RAD51B: variants seen among roughly 807,000 people sequenced by gnomAD.
RAD51B encodes DNA repair protein RAD51 homolog 2.
RAD51B carries 38 observed loss-of-function variants against 42.2 expected under a neutral mutation model. The ratio of observed to expected loss-of-function variants is 0.90; its 90% CI spans 0.70 to 1.18. RAD51B has a LOEUF of 1.18. Ranked by LOEUF, RAD51B falls within the 50% of genes most tolerant of loss-of-function variation. The probability of loss-of-function intolerance (pLI) is 0.00; values close to 1 mark genes in which losing one functional copy is unlikely to be tolerated. For synonymous variants in RAD51B, 154 were observed against 145.2 expected, an observed-to-expected ratio of 1.06 and a Z score of -0.43; for missense variants, 373 against 400.7, an observed-to-expected ratio of 0.93 and a Z score of 0.59.
intron 5 of RAD51B, among the ~76,000 whole-genome samples, chr14:67,869,699 AC>A (rs1187876550): frequency 5.9e-5 from 9 of 152,192 alleles, no homozygotes; most frequent in Non-Finnish European, 1.2e-4. Flanking sequence ...AGGTCGGGTT[AC>A]CCTCAAAGGG....
chr14:68,570,715 G>A (rs1242440539), intron 10 of RAD51B, among the ~76,000 whole-genome samples: 1 of 152,128 alleles, frequency 6.6e-6, no homozygotes, highest in African/African-American at 2.4e-5. Context: ...GGGTTAACAG[G>A]GTAAATACTG....
intron 7 of RAD51B, among the ~76,000 whole-genome samples, chr14:67,982,515 A>G (rs2075113869): frequency 6.6e-6 from 1 of 152,156 alleles, no homozygotes; most frequent in Non-Finnish European, 1.5e-5. Flanking sequence ...ATCAAAGGAG[A>G]AGACCATTTC....
intron 9 of RAD51B, among the ~76,000 whole-genome samples, chr14:68,457,443 TA>T (rs973633527): frequency 9.3e-4 from 141 of 152,342 alleles, no homozygotes; most frequent in East Asian, 5.8e-4. Context: ...ATGCTTATGT[TA>T]AAAAATTATT....
At chr14:68,027,923 C>G (rs1161864837) in intron 7 of RAD51B, among the ~76,000 whole-genome samples, 1 of 152,146 alleles carries the variant, frequency 6.6e-6, no homozygotes, top group Non-Finnish European at 1.5e-5. Flanking sequence ...AGAATTCTTG[C>G]ACTGATTTTT....
rs545563385 is a variant in RAD51B, at chr14:68,055,630, T to G, written c.756+168426T>G. Among the ~76,000 whole-genome samples the G allele has an allele frequency of 3.9e-5, 6 of 152,300 alleles. No individual in the cohort carries two copies. The East Asian group carries it at 1.2e-3, about 29-fold the overall frequency. ...CAAAACATAGTGATTAAAAACAACATTAATATGTATGAGCACTCATAGTTT... is the reference window on the plus strand; with the variant it reads ...CAAAACATAGTGATTAAAAACAACAGTAATATGTATGAGCACTCATAGTTT... On this transcript the variant is annotated intron_variant, in intron 7 of 10. Coordinates refer to ENST00000471583, the MANE Select transcript of RAD51B (RefSeq NM_133510.4).
intron 7 of RAD51B, among the ~76,000 whole-genome samples, chr14:68,112,034 A>G (rs969571668): frequency 6.6e-6 from 1 of 151,992 alleles, no homozygotes; most frequent in African/African-American, 2.4e-5. Context: ...TCATAATAGG[A>G]TCTCTGCCAG....
intron 7 of RAD51B, among the ~76,000 whole-genome samples, chr14:67,987,711 C>G (rs1595211706): frequency 6.6e-6 from 1 of 152,136 alleles, no homozygotes; most frequent in African/African-American, 2.4e-5. Context: ...TATTTTAACT[C>G]TACATTTATC....
chr14:67,865,196 G>A (rs2139991575), intron 5 of RAD51B, 57 bp downstream of exon 5: 1 of 1,415,854 alleles, frequency 7.1e-7, no homozygotes, highest in Non-Finnish European at 9.4e-7. Flanking sequence ...TATACAGCAT[G>A]AAACATTTAC....
In RAD51B at chr14:67,984,271, C is replaced by T. The variant is rs545335032; in HGVS notation, c.756+97067C>T. 1.5e-3 allele frequency among the ~76,000 whole-genome samples: 223 copies of T among 152,232 alleles called. 2 individuals are homozygous for T. Among genetic ancestry groups the T allele is most frequent in the African/African-American group, 5.2e-3 (216 of 41,548 alleles). ...TTTTTATTAAAGATTTAGTTTCGTT[C>T]TTAGAAGTTATGTCAATTTCTGATG... On this transcript the variant is annotated intron_variant, in intron 7 of 10. Coordinates refer to ENST00000471583, the MANE Select transcript of RAD51B (RefSeq NM_133510.4).
chr14:68,237,064 G>A (rs2080273700), intron 7 of RAD51B, among the ~76,000 whole-genome samples: 1 of 152,178 alleles, frequency 6.6e-6, no homozygotes, highest in Non-Finnish European at 1.5e-5. Context: ...AATTATGTGA[G>A]CAGTGATGTA....
At position 68,237,731 on chromosome 14, in the gene RAD51B, TC is replaced by T. The variant is rs1211835771; in HGVS notation, c.757-54152del. Among the ~76,000 whole-genome samples the T allele has an allele frequency of 2.5e-4, 31 of 124,594 alleles. No homozygotes were observed. In the East Asian group the frequency reaches 4.7e-3, roughly 19 times the overall value. 81.7% of individuals were successfully genotyped at this position (124,594 alleles called of 152,430 possible). On this transcript the variant is annotated intron_variant, in intron 7 of 10. Coordinates refer to ENST00000471583, the MANE Select transcript of RAD51B (RefSeq NM_133510.4). ...TTACATGGACATGTGTTTTCATTTCTCTTTTTTTTTTTTTTTTTTTTTTGAG... is the reference window on the plus strand; with the variant it reads ...TTACATGGACATGTGTTTTCATTTCTTTTTTTTTTTTTTTTTTTTTTTGAG...
chr14:68,128,053 G>A (rs77224728), intron 7 of RAD51B, among the ~76,000 whole-genome samples: 2,005 of 152,258 alleles, frequency 0.013, 49 homozygotes, highest in African/African-American at 0.046. Flanking sequence ...ATAAAAATTC[G>A]TTAGCTTTAA....
At position 68,232,134 on chromosome 14, in the gene RAD51B, C is replaced by G; in HGVS notation, c.757-59750C>G. Reference sequence around the variant, plus strand: ...CCTTCCTGACATCAGTAAAATATTACATGTTAAACAGCAAACAAAAGACAA... The same window carrying G: ...CCTTCCTGACATCAGTAAAATATTAGATGTTAAACAGCAAACAAAAGACAA... On this transcript the variant is annotated intron_variant, in intron 7 of 10. Transcript: ENST00000471583. Among the ~76,000 whole-genome samples the G allele has an allele frequency of 1.3e-5, 2 of 152,110 alleles. 1 individual carries two copies.
intron 10 of RAD51B, among the ~76,000 whole-genome samples, chr14:68,495,289 C>T (rs570130394): frequency 1.3e-5 from 2 of 152,318 alleles, no homozygotes; most frequent in South Asian, 2.1e-4. Flanking sequence ...CTCTACAGCT[C>T]TCAGTGCATC....
intron 10 of RAD51B, among the ~76,000 whole-genome samples, chr14:68,571,130 T>G (rs1057007314): frequency 2.6e-5 from 4 of 152,186 alleles, no homozygotes; most frequent in African/African-American, 9.6e-5. Context: ...GTTTTCTGAT[T>G]GGCTGGAACA....
rs141626741 is a variant in RAD51B, at chr14:68,267,107, G to A, written c.757-24777G>A. Reference sequence around the variant, plus strand: ...CTAACCCAGTGCATTGCCTCTGATGGCCTGGTGTTCTTCAGATAGGTAAAA... The same window carrying A: ...CTAACCCAGTGCATTGCCTCTGATGACCTGGTGTTCTTCAGATAGGTAAAA... On this transcript the variant is annotated intron_variant, in intron 7 of 10. Coordinates refer to ENST00000471583, the MANE Select transcript of RAD51B (RefSeq NM_133510.4). 5.9e-5 allele frequency among the ~76,000 whole-genome samples: 9 copies of A among 152,268 alleles called. No individual in the cohort carries two copies. In the East Asian group the frequency reaches 1.7e-3, roughly 29 times the overall value.
chr14:67,844,255 A>C (rs1026356109), intron 4 of RAD51B, among the ~76,000 whole-genome samples: 1 of 151,048 alleles, frequency 6.6e-6, no homozygotes, highest in Non-Finnish European at 1.5e-5. Context: ...TTTGTTGACT[A>C]TTGTTTTATG....
intron 8 of RAD51B, among the ~76,000 whole-genome samples, chr14:68,394,288 C>T (rs536242883): frequency 3.0e-4 from 45 of 152,334 alleles, no homozygotes; most frequent in African/African-American, 1.1e-3. Context: ...TGGGCTTTTC[C>T]CTCCAGGAAG....
At chr14:68,473,869 A>G (rs1381122991) in intron 10 of RAD51B, among the ~76,000 whole-genome samples, 2 of 152,244 alleles carry the variant, frequency 1.3e-5, no homozygotes, top group African/African-American at 2.4e-5. Context: ...AAACTTTTCT[A>G]CATATATGTG....
Sources: allele counts gnomAD v4.1 joint callset (sites outside exome capture counted in the v4.1 genomes callset), GRCh38; gene constraint gnomAD v4.1.1; transcripts MANE v1.5; gene names NCBI Gene and HGNC (gene_info 2026-07-23, HGNC 2026-07-21).